Variants in GRIN2A observed in about 807,000 individuals in gnomAD.
GRIN2A encodes glutamate ionotropic receptor NMDA type subunit 2A, also known as glutamate receptor ionotropic, NMDA 2A.
GRIN2A carries 22 observed loss-of-function variants against 113.4 expected under a neutral mutation model. The observed-to-expected ratio is 0.19, with a 90% CI of 0.14 to 0.28. The LOEUF is 0.28. Among genes scored for constraint, GRIN2A ranks in the 10% least tolerant of loss-of-function variants. The pLI is 1.00. For synonymous variants in GRIN2A, 827 were observed against 738.4 expected, an observed-to-expected ratio of 1.12 and a Z score of -1.94; for missense variants, 1,502 against 1,887.0, an observed-to-expected ratio of 0.80 and a Z score of 3.78.
chr16:10,140,400 A>C (rs1176324386), intron 2 of GRIN2A, among the ~76,000 whole-genome samples: 2 of 152,128 alleles, frequency 1.3e-5, no homozygotes, highest in Non-Finnish European at 2.9e-5. Flanking sequence ...GGTTCCCAAA[A>C]AGAGAGTTGA....
intron 2 of GRIN2A, among the ~76,000 whole-genome samples, chr16:10,078,197 C>T (rs75100785): frequency 0.014 from 2,158 of 152,300 alleles, 50 homozygotes; most frequent in African/African-American, 0.049. Context: ...GCTTAGTCCA[C>T]GGATTGAAAC....
chr16:10,176,685 A>T (rs943083507), intron 2 of GRIN2A, among the ~76,000 whole-genome samples: 1 of 113,836 alleles, frequency 8.8e-6, no homozygotes, highest in Non-Finnish European at 1.7e-5. Flanking sequence ...AACATCACAC[A>T]CTGGGGCCTG....
intron 2 of GRIN2A, among the ~76,000 whole-genome samples, chr16:9,990,900 C>G (rs1271099898): frequency 6.6e-6 from 1 of 152,058 alleles, no homozygotes; most frequent in Admixed American, 6.6e-5. Context: ...AACCTCCTCT[C>G]TACTAAAAAT....
intron 9 of GRIN2A, among the ~76,000 whole-genome samples, chr16:9,826,423 C>A (rs750474768): frequency 7.2e-5 from 11 of 152,178 alleles, no homozygotes; most frequent in Non-Finnish European, 1.6e-4. Context: ...CCCAGCTCAT[C>A]TGAGCACACC....
intron 2 of GRIN2A, among the ~76,000 whole-genome samples, chr16:9,965,666 A>G (rs1400391377): frequency 6.6e-6 from 1 of 152,204 alleles, no homozygotes; most frequent in African/African-American, 2.4e-5. Context: ...CTGAGACCCA[A>G]TAAAATAAAA....
chr16:9,837,755 G>A (rs1417107406), intron 7 of GRIN2A, among the ~76,000 whole-genome samples: 1 of 152,130 alleles, frequency 6.6e-6, no homozygotes, highest in Non-Finnish European at 1.5e-5. Flanking sequence ...ATATCAGCTG[G>A]TTGCATTGTT....
intron 2 of GRIN2A, among the ~76,000 whole-genome samples, chr16:10,000,761 T>C (rs957160697): frequency 6.6e-6 from 1 of 152,204 alleles, no homozygotes; most frequent in African/African-American, 2.4e-5. Flanking sequence ...CTTTTTCTTC[T>C]CTTCCGCTGC....
chr16:9,818,354 C>T (rs557447964), intron 10 of GRIN2A, among the ~76,000 whole-genome samples: 272 of 149,330 alleles, frequency 1.8e-3, no homozygotes, highest in African/African-American at 6.1e-3. Flanking sequence ...TTAAAAAATG[C>T]AACCAAAAAA....
At chr16:9,932,346 C>T (rs1341451978) in intron 3 of GRIN2A, among the ~76,000 whole-genome samples, 1 of 152,088 alleles carries the variant, frequency 6.6e-6, no homozygotes, top group East Asian at 1.9e-4. Flanking sequence ...GAGACACTTA[C>T]TTCACTCATA....
chr16:9,895,193 T>C (rs751116662), intron 3 of GRIN2A, among the ~76,000 whole-genome samples: 1 of 152,138 alleles, frequency 6.6e-6, no homozygotes, highest in South Asian at 2.1e-4. Context: ...TTGGAAAGCA[T>C]AAGAGAAGCA....
chr16:10,174,813 C>T lies in GRIN2A; in HGVS notation c.414+5185G>A, dbSNP rs1029284287. Among the ~76,000 whole-genome samples, 5 of 151,282 alleles carry T rather than the reference C, an allele frequency of 3.3e-5. No individual in the cohort carries two copies. In the East Asian group the frequency reaches 9.8e-4, roughly 30 times the overall value. On this transcript the variant is annotated intron_variant, in intron 2 of 12. Coordinates refer to ENST00000330684, the MANE Select transcript of GRIN2A (RefSeq NM_001134407.3). ...TGGAGTATAGAATTGAAGAAACCTT[C>T]CCAAACACAGCACAAACAGAGAACT...
chr16:9,839,045 C>A (rs2042628372), intron 7 of GRIN2A, among the ~76,000 whole-genome samples: 1 of 152,146 alleles, frequency 6.6e-6, no homozygotes, highest in Non-Finnish European at 1.5e-5. Flanking sequence ...TACCCCTGAG[C>A]TATTGAAATT....
intron 2 of GRIN2A, among the ~76,000 whole-genome samples, chr16:10,001,072 G>T (rs1239777169): frequency 6.6e-6 from 1 of 152,180 alleles, no homozygotes; most frequent in Non-Finnish European, 1.5e-5. Flanking sequence ...ACTGAGGTCA[G>T]CCTACCTTAC....
intron 4 of GRIN2A, among the ~76,000 whole-genome samples, chr16:9,852,655 C>T (rs2042904778): frequency 6.6e-6 from 1 of 152,108 alleles, no homozygotes; most frequent in South Asian, 2.1e-4. Flanking sequence ...TGCCCTAGGT[C>T]CCAAGAGCTC....
intron 2 of GRIN2A, among the ~76,000 whole-genome samples, chr16:10,053,616 T>C (rs2047395631): frequency 6.6e-6 from 1 of 152,214 alleles, no homozygotes; most frequent in Non-Finnish European, 1.5e-5. Context: ...TAAGGTGGAT[T>C]GCCCTGGGGA....
At chr16:10,126,491 T>G (rs1193955082) in intron 2 of GRIN2A, among the ~76,000 whole-genome samples, 1 of 152,212 alleles carries the variant, frequency 6.6e-6, no homozygotes, top group Non-Finnish European at 1.5e-5. Context: ...TTCAAATATT[T>G]TGCAGTATTG....
chr16:9,942,891 A>AC lies in GRIN2A; in HGVS notation c.415-4341dup, dbSNP rs60615780. Among the ~76,000 whole-genome samples the AC allele has an allele frequency of 9.2e-3, 1,406 of 152,190 alleles. 18 individuals are homozygous for AC. Among genetic ancestry groups the AC allele is most frequent in the African/African-American group, 0.032 (1,341 of 41,518 alleles). The stretch of plus-strand genomic sequence containing the variant: ...CCACCATGGACCAAAAGCATCATCT[A>AC]CCCCTTGGAGGGACAGAAGCAAGGG... On this transcript the variant is annotated intron_variant, in intron 2 of 12. Coordinates refer to ENST00000330684, the MANE Select transcript of GRIN2A (RefSeq NM_001134407.3).
chr16:10,152,632 C>T (rs548490061), intron 2 of GRIN2A, among the ~76,000 whole-genome samples: 1 of 152,196 alleles, frequency 6.6e-6, no homozygotes, highest in Non-Finnish European at 1.5e-5. Context: ...TAATGATAAA[C>T]CCACTCTTCC....
chr16:9,925,171 T>C (rs1188747282), intron 3 of GRIN2A, among the ~76,000 whole-genome samples: 1 of 152,234 alleles, frequency 6.6e-6, no homozygotes, highest in African/African-American at 2.4e-5. Flanking sequence ...AACAGTTTGA[T>C]CTTTTCAAAT....
Sources: allele counts gnomAD v4.1 joint callset (sites outside exome capture counted in the v4.1 genomes callset), GRCh38; gene constraint gnomAD v4.1.1; transcripts MANE v1.5; gene names NCBI Gene and HGNC (gene_info 2026-07-23, HGNC 2026-07-21).